Variants in LMF1 observed in about 807,000 individuals in gnomAD.
LMF1 encodes the protein lipase maturation factor 1.
A neutral mutation model predicts 60.6 loss-of-function variants in LMF1; 68 were observed. That is an observed-to-expected ratio of 1.12 (90% CI 0.92 to 1.37). The LOEUF is 1.37. Among genes scored for constraint, LMF1 ranks in the 40% most tolerant of loss-of-function variants. LMF1 has a pLI of 0.00. For missense variants in LMF1, 948 were observed against 767.2 expected (o/e 1.24, Z -2.78); for synonymous variants, 418 against 324.7 (o/e 1.29, Z -3.09).
Position 854,513 on chromosome 16 carries a change from C to A in LMF1, c.*19G>T. On this transcript the variant is annotated 3_prime_UTR_variant, in exon 11 of 11. Coordinates refer to ENST00000262301, the MANE Select transcript of LMF1 (RefSeq NM_022773.4). ...AGCCGCCGAGGGGCTGGGTCTTCGC[C>A]TTTATTTCTGGTGCACGTCTAGAGG... 1 of 1,601,268 alleles carries A rather than the reference C, an allele frequency of 6.2e-7. No individual in the cohort carries two copies. The highest frequency in any genetic ancestry group is 2.2e-5 in the East Asian group (1 of 44,560).
chr16:887,228 C>G (rs1362776485), intron 5 of LMF1: 1 of 152,420 alleles, frequency 6.6e-6, no homozygotes, highest in East Asian at 1.9e-4. Flanking sequence ...CCTGGGACAC[C>G]AGGAGGATAG....
intron 3 of LMF1, chr16:933,497 C>G (rs2071851285): frequency 6.2e-6 from 1 of 162,364 alleles, no homozygotes; most frequent in Admixed American, 5.7e-5. Flanking sequence ...CCCCTGCTCT[C>G]CTGGGAAAGG....
intron 2 of LMF1, among the ~76,000 whole-genome samples, chr16:942,899 C>T (rs72759500): frequency 0.012 from 1,776 of 152,326 alleles, 20 homozygotes; most frequent in Non-Finnish European, 0.018. Context: ...AAGCTCTGCT[C>T]GTTTCAATCT....
At chr16:979,193 C>T (rs1051957612) in intron 1 of LMF1, 15 of 428,856 alleles carry the variant, frequency 3.5e-5, no homozygotes, top group African/African-American at 1.0e-4. Flanking sequence ...TCCGTCCCGG[C>T]GTCCTCTCAG....
intron 3 of LMF1, among the ~76,000 whole-genome samples, chr16:914,736 TC>T: frequency 3.6e-5 from 2 of 55,660 alleles, no homozygotes; most frequent in Non-Finnish European, 6.5e-5. Flanking sequence ...TCTCCCTCCC[TC>T]CCCATGACTA....
At chr16:888,678 G>A (rs771487569) in intron 5 of LMF1, among the ~76,000 whole-genome samples, 3 of 152,208 alleles carry the variant, frequency 2.0e-5, no homozygotes, top group Non-Finnish European at 2.9e-5. Context: ...TCTGGACGGC[G>A]CCCGTCCCTG....
At chr16:908,002 G>A (rs983246396) in intron 4 of LMF1, among the ~76,000 whole-genome samples, 2 of 152,140 alleles carry the variant, frequency 1.3e-5, no homozygotes, top group African/African-American at 2.4e-5. Context: ...ACCGCCTGGC[G>A]GCTCCTCTGC....
rs770344920 is a variant in LMF1 at position 870,784 on chromosome 16, T to C, written c.1177A>G (p.Met393Val). The C allele has an allele frequency of 6.2e-7, 1 of 1,612,882 alleles. No individual in the cohort carries two copies. Among genetic ancestry groups the C allele is most frequent in the Non-Finnish European group, 8.5e-7 (1 of 1,179,812 alleles). The stretch of plus-strand genomic sequence containing the variant: ...TGAAGAGAGTTGAAGTGGGTGTTCA[T>C]GACCTGCCTGGAGCTCAGCAAGTTG... ...VLNLLSSRQVMNTHFNSLHIV... is the reference protein window; with the variant it reads ...VLNLLSSRQVVNTHFNSLHIV... Residue 393 changes from methionine to valine, a missense_variant, in exon 8 of 11, where the codon ATG (methionine) becomes GTG (valine). Coordinates refer to ENST00000262301, the MANE Select transcript of LMF1 (RefSeq NM_022773.4).
chr16:945,967 G>C (rs1567290683), intron 2 of LMF1, among the ~76,000 whole-genome samples: 1 of 152,324 alleles, frequency 6.6e-6, no homozygotes, highest in East Asian at 1.9e-4. Flanking sequence ...TGCCTGAAAT[G>C]TTTCTCTTGT....
chr16:978,367 G>A (rs1005986949), intron 1 of LMF1, among the ~76,000 whole-genome samples: 5 of 130,176 alleles, frequency 3.8e-5, no homozygotes, highest in Non-Finnish European at 6.6e-5. Flanking sequence ...ACACACACAT[G>A]AACACACGCG....
intron 9 of LMF1, 69 bp from the exon 10 acceptor site, chr16:869,125 C>T (rs538778326): frequency 4.0e-5 from 41 of 1,012,782 alleles, no homozygotes; most frequent in South Asian, 2.1e-4. Context: ...TCCGGACGCT[C>T]GGCTGTGCCC....
In LMF1 at chr16:902,845, C is replaced by A. The variant is rs1170262367; in HGVS notation, c.663+8086G>T. 7.6e-5 allele frequency among the ~76,000 whole-genome samples: 4 copies of A among 52,942 alleles called. No individual in the cohort carries two copies. The East Asian group carries it at 1.7e-3, about 23-fold the overall frequency. 34.7% of individuals were successfully genotyped at this position (52,942 alleles called of 152,430 possible). ...CCTGTGGGGACGCCCGTCTCTGCTGCGTGGTGGTGACCTCTGCACTGCCCA... is the reference window on the plus strand; with the variant it reads ...CCTGTGGGGACGCCCGTCTCTGCTGAGTGGTGGTGACCTCTGCACTGCCCA... On this transcript the variant is annotated intron_variant, in intron 4 of 10. Coordinates refer to ENST00000262301, the MANE Select transcript of LMF1 (RefSeq NM_022773.4).
intron 2 of LMF1, among the ~76,000 whole-genome samples, chr16:938,585 T>C (rs1393881066): frequency 2.0e-5 from 3 of 152,218 alleles, no homozygotes; most frequent in African/African-American, 7.2e-5. Context: ...GAGGTGTCTT[T>C]GCAAACATCT....
intron 10 of LMF1, chr16:855,570 C>T (rs753478399): frequency 1.6e-5 from 6 of 376,212 alleles, no homozygotes; most frequent in African/African-American, 4.2e-5. Context: ...GGAATTGTCA[C>T]CGTCACAAGC....
intron 10 of LMF1, among the ~76,000 whole-genome samples, chr16:868,553 C>A (rs1254867976): frequency 6.6e-6 from 1 of 152,202 alleles, no homozygotes; most frequent in Non-Finnish European, 1.5e-5. Context: ...GCCCAGTTCA[C>A]CATGGACCCC....
At chr16:975,902 C>G, upstream of LMF1, 1 of 449,204 alleles carries the variant, frequency 2.2e-6, no homozygotes, top group Non-Finnish European at 4.4e-6. Flanking sequence ...ATGCTTATTT[C>G]AAGCACCATT....
Position 854,380 on chromosome 16 carries a change from C to T in LMF1, c.*152G>A. ...GCCGCCACAGTATGTGACAACAGAC[C>T]CCACCCTGGACCCCCGTGCTGGGGG... is the stretch of plus-strand genomic sequence containing the variant. On this transcript the variant is annotated 3_prime_UTR_variant, in exon 11 of 11. Transcript: ENST00000262301. The T allele has an allele frequency of 1.2e-6, 1 of 851,346 alleles. No homozygotes were observed. Among genetic ancestry groups the T allele is most frequent in the South Asian group, 1.5e-5 (1 of 68,124 alleles). The allele number at this position is 851,346 out of a possible 1,614,324, so 52.7% of individuals were successfully genotyped here. A position where few individuals can be genotyped will look rare whatever the true frequency, so the allele number is the denominator to read the frequency against.
chr16:863,351 AT>A (rs1483137286), intron 10 of LMF1, among the ~76,000 whole-genome samples: 1 of 152,140 alleles, frequency 6.6e-6, no homozygotes, highest in Non-Finnish European at 1.5e-5. Flanking sequence ...CATGTTGGCC[AT>A]GCTGGTCTTG....
At chr16:870,269 C>T (rs377079737) in intron 8 of LMF1, among the ~76,000 whole-genome samples, 20 of 152,278 alleles carry the variant, frequency 1.3e-4, no homozygotes, top group African/African-American at 3.9e-4. Flanking sequence ...GGGTCTCATT[C>T]GAGAACACCT....
Sources: gnomAD v4.1 joint callset for allele counts (sites outside exome capture counted in the v4.1 genomes callset) on GRCh38, gnomAD v4.1.1 for gene constraint, MANE v1.5 for transcripts, NCBI Gene and HGNC (gene_info 2026-07-23, HGNC 2026-07-21) for gene names.